Variants in RANBP3 observed in about 807,000 individuals in gnomAD.
RANBP3 encodes the protein RAN binding protein 3.
In RANBP3, 14 loss-of-function variants were observed where a neutral mutation model predicts 77.3. The ratio of observed to expected loss-of-function variants is 0.18; its 90% CI spans 0.12 to 0.28. RANBP3 has a LOEUF of 0.28. Ranked by LOEUF, RANBP3 falls within the 10% of genes least tolerant of loss-of-function variation. RANBP3 has a pLI of 1.00. For synonymous variants in RANBP3, 315 were observed against 312.4 expected (o/e 1.01, Z -0.09); for missense variants, 586 against 752.3 (o/e 0.78, Z 2.59).
At position 5,921,420 on chromosome 19, in the gene RANBP3, C is replaced by A; in HGVS notation, c.1210-99G>T. 1 of 1,509,916 alleles carries A rather than the reference C, an allele frequency of 6.6e-7. No homozygotes were observed. Among genetic ancestry groups the A allele is most frequent in the Non-Finnish European group, 8.9e-7 (1 of 1,119,602 alleles). The allele number at this position is 1,509,916 out of a possible 1,614,324, so 93.5% of individuals were successfully genotyped here. ...CTTTAGCCTGTGGGGACTGCCAGGGCCAGCCAACGACGGCCTGGGGGCCAC... is the reference window on the plus strand; with the variant it reads ...CTTTAGCCTGTGGGGACTGCCAGGGACAGCCAACGACGGCCTGGGGGCCAC... On this transcript the variant is annotated intron_variant, in intron 13 of 16. Coordinates refer to ENST00000340578, the MANE Select transcript of RANBP3 (RefSeq NM_007322.3). This position sits in a 1 kb window ranked among gnomAD's most constrained non-coding sequence, Gnocchi z 5.3.
chr19:5,963,150 G>C (rs182613845), intron 1 of RANBP3, among the ~76,000 whole-genome samples: 4 of 152,230 alleles, frequency 2.6e-5, no homozygotes, highest in African/African-American at 4.8e-5. Context: ...CAAGTGGTTG[G>C]GTTTTTTGTT....
At chr19:5,950,093 G>A (rs1256819470) in intron 3 of RANBP3, among the ~76,000 whole-genome samples, 1 of 152,162 alleles carries the variant, frequency 6.6e-6, no homozygotes, top group African/African-American at 2.4e-5. Flanking sequence ...GACCAGAGGT[G>A]CAGTAACTCA....
chr19:5,939,181 G>A (rs938116963), intron 5 of RANBP3, among the ~76,000 whole-genome samples: 2 of 152,268 alleles, frequency 1.3e-5, no homozygotes, highest in Non-Finnish European at 2.9e-5. Flanking sequence ...GTGAAAGTCT[G>A]TCTAAAAAAC....
intron 9 of RANBP3, among the ~76,000 whole-genome samples, chr19:5,926,299 C>A (rs2057909071): frequency 6.6e-6 from 1 of 152,122 alleles, no homozygotes; most frequent in South Asian, 2.1e-4. Flanking sequence ...GTAATACCAG[C>A]ACTTTGGGAG....
At chr19:5,945,222 T>C (rs1031005206) in intron 3 of RANBP3, among the ~76,000 whole-genome samples, 3 of 152,240 alleles carry the variant, frequency 2.0e-5, no homozygotes, top group African/African-American at 7.2e-5. Context: ...GCCGAAGACC[T>C]GAGTCCGGCC....
chr19:5,946,416 A>G (rs2145162043), intron 3 of RANBP3, among the ~76,000 whole-genome samples: 1 of 152,272 alleles, frequency 6.6e-6, no homozygotes, highest in East Asian at 1.9e-4. Context: ...GAGACCCTCA[A>G]ATCCGTGCCC....
Position 5,921,192 on chromosome 19 carries a change from G to A in RANBP3, c.1330+9C>T. ...GACCCGGCCACAGCCCCCGCCGTCG[G>A]CAGCTCACCTAGTCGGGACTGTAGT... On this transcript the variant is annotated intron_variant, in intron 14 of 16. Coordinates refer to ENST00000340578, the MANE Select transcript of RANBP3 (RefSeq NM_007322.3). This position sits in a 1 kb window ranked among gnomAD's most constrained non-coding sequence, Gnocchi z 5.3. 1 of 1,607,568 alleles carries A rather than the reference G, an allele frequency of 6.2e-7. No individual in the cohort carries two copies. The highest frequency in any genetic ancestry group is 1.1e-5 in the South Asian group (1 of 90,650).
In RANBP3 at chr19:5,937,024, C is replaced by T. The variant is rs373814312; in HGVS notation, c.407-3545G>A. 1.1e-3 allele frequency among the ~76,000 whole-genome samples: 133 copies of T among 119,004 alleles called. 1 individual carries two copies. Among genetic ancestry groups the T allele is most frequent in the African/African-American group, 4.1e-3 (126 of 30,792 alleles). 78.1% of individuals were successfully genotyped at this position (119,004 alleles called of 152,430 possible). On this transcript the variant is annotated intron_variant, in intron 5 of 16. Coordinates refer to ENST00000340578, the MANE Select transcript of RANBP3 (RefSeq NM_007322.3). ...TGAGCCAAGATTGTGCCACTGCACT[C>T]CAGCCTGGGCAACAGAGCAAGACTC...
chr19:5,924,625 G>C lies in RANBP3; in HGVS notation c.996+202C>G, dbSNP rs1464447327. Among the ~76,000 whole-genome samples, 1 of 152,260 alleles carries C rather than the reference G, an allele frequency of 6.6e-6. No homozygotes were observed. The highest frequency in any genetic ancestry group is 2.4e-5 in the African/African-American group (1 of 41,476). On this transcript the variant is annotated intron_variant, in intron 11 of 16. Coordinates refer to ENST00000340578, the MANE Select transcript of RANBP3 (RefSeq NM_007322.3). The surrounding 1 kb of genome is among the most constrained non-coding windows in gnomAD (Gnocchi z 4.7). ...TCAGCACGGAGGAGCCGGGAAAAGC[G>C]AATGCCAGTTCGTAGGCAGCCAGTG...
chr19:5,938,901 T>C (rs993950686), intron 5 of RANBP3, among the ~76,000 whole-genome samples: 1 of 151,692 alleles, frequency 6.6e-6, no homozygotes, highest in African/African-American at 2.4e-5. Context: ...AAAACAATTA[T>C]GGGCCAGGTG....
chr19:5,955,548 A>G (rs1441193775), intron 2 of RANBP3, among the ~76,000 whole-genome samples: 2 of 152,216 alleles, frequency 1.3e-5, no homozygotes, highest in Non-Finnish European at 2.9e-5. Flanking sequence ...AGCTGTGAAA[A>G]CAGTACTGAC....
chr19:5,917,572 C>CA lies in RANBP3; in HGVS notation c.*37dup, dbSNP rs927913007. On this transcript the variant is annotated 3_prime_UTR_variant, in exon 17 of 17. Transcript: ENST00000340578. ...GCGGGTGGGCGGGTGGATAGACGGA[C>CA]AAAGCAGCAGCCTGGTGTGCAGCCG... 9.1e-6 allele frequency: 14 copies of CA among 1,546,120 alleles called. No individual in the cohort carries two copies. Among genetic ancestry groups the CA allele is most frequent in the Admixed American group, 1.9e-5 (1 of 52,214 alleles).
chr19:5,933,855 T>G, intron 5 of RANBP3: 1 of 173,208 alleles, frequency 5.8e-6, no homozygotes, highest in Non-Finnish European at 1.2e-5. Context: ...CAGGCCCCAC[T>G]TCCCTTTCCT....
At chr19:5,963,013 C>G (rs1332872118) in intron 1 of RANBP3, among the ~76,000 whole-genome samples, 1 of 152,212 alleles carries the variant, frequency 6.6e-6, no homozygotes, top group Non-Finnish European at 1.5e-5. Flanking sequence ...GCTTCAATTC[C>G]TAGCCCAGCT....
chr19:5,952,071 G>A lies in RANBP3; in HGVS notation c.79-475C>T, dbSNP rs761356550. ...TTAGGGAGAAACCAGGGAGGCCAGGGTCAAGGGCTTCTGCCTCTCGCCGGG... is the reference window on the plus strand; with the variant it reads ...TTAGGGAGAAACCAGGGAGGCCAGGATCAAGGGCTTCTGCCTCTCGCCGGG... On this transcript the variant is annotated intron_variant, in intron 2 of 16. Transcript: ENST00000340578. The surrounding 1 kb of genome is among the most constrained non-coding windows in gnomAD (Gnocchi z 4.1). Among the ~76,000 whole-genome samples the A allele has an allele frequency of 3.3e-5, 5 of 151,720 alleles. No individual in the cohort carries two copies. Among genetic ancestry groups the A allele is most frequent in the Non-Finnish European group, 5.9e-5 (4 of 68,020 alleles).
At chr19:5,971,521 C>G (rs2058530363) in intron 1 of RANBP3, among the ~76,000 whole-genome samples, 1 of 152,052 alleles carries the variant, frequency 6.6e-6, no homozygotes, top group South Asian at 2.1e-4. Flanking sequence ...ATCCAATAAC[C>G]TCTGGAAAAA....
chr19:5,951,742 G>A, intron 2 of RANBP3, 146 bp from the exon 3 acceptor site: 1 of 737,636 alleles, frequency 1.4e-6, no homozygotes, highest in South Asian at 1.7e-5. Flanking sequence ...GCAGGCACCT[G>A]CTTCTGGGTT....
chr19:5,941,522 G>T, intron 5 of RANBP3, 99 bp downstream of exon 5: 1 of 1,082,596 alleles, frequency 9.2e-7, no homozygotes, highest in Non-Finnish European at 1.4e-6. Flanking sequence ...AACCGGAGCT[G>T]GGCAGGAAGG....
rs769814634 is a variant in RANBP3 at position 5,923,903 on chromosome 19, T to A, written c.1008A>T (p.Lys336Asn). 1 of 1,613,964 alleles carries A rather than the reference T, an allele frequency of 6.2e-7. No individual in the cohort carries two copies. Among genetic ancestry groups the A allele is most frequent in the South Asian group, 1.1e-5 (1 of 91,076 alleles). The change falls in exon 12 of 17, where the codon AAA (lysine) becomes AAT (asparagine). Residue 336 changes from lysine to asparagine, a missense_variant. Lys to Asn is a moderately conservative substitution (Grantham distance 94, BLOSUM62 0). Coordinates refer to ENST00000340578, the MANE Select transcript of RANBP3 (RefSeq NM_007322.3). ...NMSERVLSPP[K>N]LNEVSSDANR... Reference sequence around the variant, plus strand: ...TGGCATCTGAACTGACCTCGTTTAATTTTGGGGGGCTCTGCAGGGACACAA... The same window carrying A: ...TGGCATCTGAACTGACCTCGTTTAAATTTGGGGGGCTCTGCAGGGACACAA...
Sources: allele counts gnomAD v4.1 joint callset (sites outside exome capture counted in the v4.1 genomes callset), GRCh38; gene constraint gnomAD v4.1.1; non-coding constraint Gnocchi (gnomAD v3.1); transcripts MANE v1.5; gene names NCBI Gene and HGNC (gene_info 2026-07-23, HGNC 2026-07-21).